ASB15: variants seen among roughly 807,000 people sequenced by gnomAD.
The protein encoded by ASB15 is ankyrin repeat and SOCS box containing 15.
A neutral mutation model predicts 58.0 loss-of-function variants in ASB15; 54 were observed. That is an observed-to-expected ratio of 0.93 (90% CI 0.75 to 1.17). The LOEUF is 1.17. ASB15 is among the 50% of genes most tolerant of loss of function. ASB15 has a pLI of 0.00. For missense variants in ASB15, 680 were observed against 707.4 expected (o/e 0.96, Z 0.44); for synonymous variants, 249 against 262.4 (o/e 0.95, Z 0.50).
At chr7:123,603,114 T>A (rs984299714) in intron 1 of ASB15, among the ~76,000 whole-genome samples, 1 of 152,198 alleles carries the variant, frequency 6.6e-6, no homozygotes, top group African/African-American at 2.4e-5. Flanking sequence ...AGACTTGCTA[T>A]GCTATGTGCT....
intron 7 of ASB15, 84 bp downstream of exon 7, chr7:123,617,821 T>C (rs1404362411): frequency 3.0e-6 from 4 of 1,335,254 alleles, no homozygotes; most frequent in African/African-American, 3.0e-5. Flanking sequence ...ATGGCTAAAA[T>C]TGTGATCTCA....
intron 8 of ASB15, chr7:123,625,067 C>T (rs983113326): frequency 2.2e-6 from 1 of 450,540 alleles, no homozygotes; most frequent in Non-Finnish European, 4.0e-6. Flanking sequence ...ACAGTTCAAT[C>T]TGCACATAGA....
chr7:123,636,262 AAAGT>A (rs1802422055), intron 11 of ASB15, among the ~76,000 whole-genome samples: 1 of 152,196 alleles, frequency 6.6e-6, no homozygotes, highest in Non-Finnish European at 1.5e-5. Context: ...TAATATAGAT[AAAGT>A]AAGAATTGAA....
intron 3 of ASB15, 100 bp from the exon 4 acceptor site, chr7:123,614,401 C>T (rs571967544): frequency 3.3e-5 from 23 of 696,138 alleles, no homozygotes; most frequent in South Asian, 1.1e-4. Context: ...AAGGAAAATG[C>T]ATTTTAGTTT....
intron 7 of ASB15, among the ~76,000 whole-genome samples, chr7:123,619,536 T>G (rs1477783628): frequency 6.6e-6 from 1 of 152,086 alleles, no homozygotes; most frequent in Non-Finnish European, 1.5e-5. Context: ...GCCTACTCTT[T>G]TTTTTGAGGC....
At chr7:123,586,692 T>C (rs1336961628) in intron 1 of ASB15, among the ~76,000 whole-genome samples, 1 of 151,802 alleles carries the variant, frequency 6.6e-6, no homozygotes, top group Non-Finnish European at 1.5e-5. Flanking sequence ...TTTTACAGTT[T>C]CAAGTCTTAA....
intron 1 of ASB15, among the ~76,000 whole-genome samples, chr7:123,589,612 T>C (rs1799476879): frequency 6.6e-6 from 1 of 152,050 alleles, no homozygotes; most frequent in Admixed American, 6.6e-5. Flanking sequence ...AGAATGGTGG[T>C]TTCCAGCTTT....
chr7:123,600,939 G>A (rs1289477459), upstream of ASB15, among the ~76,000 whole-genome samples: 1 of 152,146 alleles, frequency 6.6e-6, no homozygotes, highest in Non-Finnish European at 1.5e-5. Flanking sequence ...AGAATCACTG[G>A]CAGCAAATCC....
intron 3 of ASB15, among the ~76,000 whole-genome samples, chr7:123,611,774 C>T (rs1445399811): frequency 6.6e-6 from 1 of 151,740 alleles, no homozygotes; most frequent in African/African-American, 2.4e-5. Flanking sequence ...AGTAATGCTC[C>T]TTTGACTGAC....
intron 7 of ASB15, among the ~76,000 whole-genome samples, chr7:123,619,172 G>GCC (rs1801047085): frequency 2.0e-5 from 2 of 97,726 alleles, no homozygotes; most frequent in Admixed American, 1.5e-4. Flanking sequence ...AGAGAGAGAC[G>GCC]CCGTCTCAAA....
chr7:123,619,043 C>T (rs1801033021), intron 7 of ASB15, among the ~76,000 whole-genome samples: 1 of 151,712 alleles, frequency 6.6e-6, no homozygotes, highest in Middle Eastern at 3.4e-3. Flanking sequence ...AGCTGGGCTT[C>T]GTGGCAGGCA....
At chr7:123,635,880 T>A (rs1250077550) in intron 11 of ASB15, among the ~76,000 whole-genome samples, 1 of 152,188 alleles carries the variant, frequency 6.6e-6, no homozygotes, top group Non-Finnish European at 1.5e-5. Flanking sequence ...AACATTGTTT[T>A]TAATTTTAAA....
intron 3 of ASB15, among the ~76,000 whole-genome samples, chr7:123,609,523 G>C (rs1201750173): frequency 6.6e-6 from 1 of 152,188 alleles, no homozygotes; most frequent in Non-Finnish European, 1.5e-5. Context: ...GGAAGCAACT[G>C]TCCACTCTGC....
chr7:123,569,838 A>C (rs1798858043), intron 1 of ASB15, among the ~76,000 whole-genome samples: 2 of 152,200 alleles, frequency 1.3e-5, no homozygotes, highest in African/African-American at 4.8e-5. Context: ...TTCTTTGGCA[A>C]GTTACAAAAA....
chr7:123,618,393 A>G (rs1800967222), intron 7 of ASB15, among the ~76,000 whole-genome samples: 1 of 152,210 alleles, frequency 6.6e-6, no homozygotes, highest in African/African-American at 2.4e-5. Flanking sequence ...AGGGTGGTGG[A>G]GTAAGAATGT....
intron 1 of ASB15, among the ~76,000 whole-genome samples, chr7:123,574,365 C>T (rs1197823563): frequency 6.6e-6 from 1 of 152,108 alleles, no homozygotes; most frequent in East Asian, 1.9e-4. Context: ...TCGGAATCAC[C>T]TGAGGACTTG....
rs1349091856 is a variant in ASB15 at position 123,637,639 on chromosome 7, G to A, written c.*658G>A. On this transcript the variant is annotated 3_prime_UTR_variant, in exon 12 of 12. Transcript: ENST00000451215. ...TAGCTCATCTCTAGCCAATCTTACA[G>A]TTATATATCTTAAGCCCTCTTCTCT... The A allele has an allele frequency of 2.0e-5, 3 of 151,932 alleles. No homozygotes were observed. The highest frequency in any genetic ancestry group is 7.3e-5 in the African/African-American group (3 of 41,328). 9.4% of individuals were successfully genotyped at this position (151,932 alleles called of 1,614,324 possible). A position where few individuals can be genotyped will look rare whatever the true frequency, so the allele number is the denominator to read the frequency against.
At chr7:123,575,816 C>CCT (rs1799047950) in intron 1 of ASB15, among the ~76,000 whole-genome samples, 1 of 136,814 alleles carries the variant, frequency 7.3e-6, no homozygotes, top group Non-Finnish European at 1.6e-5. Flanking sequence ...ATGAAGTTTT[C>CCT]TTTTTTTTTT....
intron 1 of ASB15, among the ~76,000 whole-genome samples, chr7:123,576,606 G>A (rs948270107): frequency 1.4e-4 from 21 of 152,102 alleles, no homozygotes; most frequent in African/African-American, 4.8e-4. Flanking sequence ...GATTCTCTGT[G>A]TAGCTCCACA....
Sources: allele counts gnomAD v4.1 joint callset (sites outside exome capture counted in the v4.1 genomes callset), GRCh38; gene constraint gnomAD v4.1.1; transcripts MANE v1.5; gene names NCBI Gene and HGNC (gene_info 2026-07-23, HGNC 2026-07-21).